The following MACROH2A1 variants were observed in gnomAD, a reference collection of about 807,000 sequenced individuals.
MACROH2A1 encodes the protein macroH2A.1 histone, also known as core histone macro-H2A.1.
In MACROH2A1, 2 loss-of-function variants were observed where a neutral mutation model predicts 31.6. The observed-to-expected ratio is 0.06, with a 90% CI of 0.03 to 0.20. The LOEUF (loss-of-function observed/expected upper bound fraction) is 0.20. Ranked by LOEUF, MACROH2A1 falls within the 10% of genes least tolerant of loss-of-function variation. MACROH2A1 has a pLI of 1.00. For missense variants in MACROH2A1, 230 were observed against 474.0 expected, an observed-to-expected ratio of 0.49 and a Z score of 4.78; for synonymous variants, 169 against 189.6, an observed-to-expected ratio of 0.89 and a Z score of 0.89.
At chr5:135,383,700 G>GGTGTGGT (rs1554099983) in intron 2 of MACROH2A1, among the ~76,000 whole-genome samples, 7 of 137,150 alleles carry the variant, frequency 5.1e-5, no homozygotes, top group African/African-American at 1.2e-4. Flanking sequence ...GATGTGGTGT[G>GGTGTGGT]GTGTGTGTGT....
intron 5 of MACROH2A1, chr5:135,358,535 T>G (rs1762449296): frequency 1.0e-6 from 1 of 985,254 alleles, no homozygotes; most frequent in Admixed American, 6.1e-5. Flanking sequence ...CTAGGTGGTC[T>G]GTCTGGGTCT....
chr5:135,369,894 T>C lies in MACROH2A1; in HGVS notation c.279+142A>G. The C allele has an allele frequency of 1.6e-6, 1 of 634,012 alleles. No homozygotes were observed. The highest frequency in any genetic ancestry group is 1.8e-5 in the African/African-American group (1 of 54,760). The allele number at this position is 634,012 out of a possible 1,614,324, so 39.3% of individuals were successfully genotyped here. On this transcript the variant is annotated intron_variant, in intron 3 of 8. Transcript: ENST00000511689. This position sits in a 1 kb window ranked among gnomAD's most constrained non-coding sequence, Gnocchi z 4.3. Reference sequence around the variant, plus strand: ...ATAAGGCCTTGGGGAAAAACTGCCATGGGAGGCAGAGAAGCTGCTAATTAA... The same window carrying C: ...ATAAGGCCTTGGGGAAAAACTGCCACGGGAGGCAGAGAAGCTGCTAATTAA...
At chr5:135,358,890 A>G (rs1355856146) in intron 5 of MACROH2A1, 1 of 985,168 alleles carries the variant, frequency 1.0e-6, no homozygotes, top group Non-Finnish European at 1.2e-6. Context: ...AGTTGCTGAG[A>G]GCTGACATGT....
At chr5:135,343,190 C>T (rs1434196766) in intron 8 of MACROH2A1, 70 bp downstream of exon 8, 6 of 1,605,572 alleles carry the variant, frequency 3.7e-6, no homozygotes, top group Non-Finnish European at 4.2e-6. Context: ...GTGAGAGCAC[C>T]ACAATTATGG....
At chr5:135,378,449 A>G (rs1465215986) in intron 2 of MACROH2A1, among the ~76,000 whole-genome samples, 1 of 152,214 alleles carries the variant, frequency 6.6e-6, no homozygotes, top group Non-Finnish European at 1.5e-5. Flanking sequence ...CTCCCTGCCC[A>G]TACGAGGCCA....
chr5:135,387,410 G>C (rs1191501861), intron 2 of MACROH2A1, among the ~76,000 whole-genome samples: 2 of 152,188 alleles, frequency 1.3e-5, no homozygotes, highest in Admixed American at 6.5e-5. Flanking sequence ...TTTGCTATGG[G>C]GAAACCCTCG....
intron 8 of MACROH2A1, among the ~76,000 whole-genome samples, chr5:135,335,638 C>G (rs1758531044): frequency 6.6e-6 from 1 of 152,218 alleles, no homozygotes; most frequent in African/African-American, 2.4e-5. Context: ...CTCTAACACA[C>G]ACCAGCGGTA....
intron 5 of MACROH2A1, chr5:135,359,825 T>C (rs1301161891): frequency 1.0e-6 from 1 of 955,628 alleles, no homozygotes; most frequent in African/African-American, 1.8e-5. Flanking sequence ...AATAAAGAAA[T>C]ATTAGTTAAC....
intron 2 of MACROH2A1, among the ~76,000 whole-genome samples, chr5:135,386,941 G>A (rs1441386380): frequency 6.6e-6 from 1 of 152,234 alleles, no homozygotes; most frequent in African/African-American, 2.4e-5. Flanking sequence ...CTGGGTTTGT[G>A]TAGCACATTA....
chr5:135,335,645 G>A (rs374506999), intron 8 of MACROH2A1, among the ~76,000 whole-genome samples: 5 of 152,256 alleles, frequency 3.3e-5, no homozygotes, highest in East Asian at 1.9e-4. Context: ...ACACACCAGC[G>A]GTACCACCCC....
chr5:135,343,270 C>T lies in MACROH2A1; in HGVS notation c.943G>A (p.Gly315Ser). Reference protein sequence around the residue: ...KLKSIAFPSIGSGRNGFPKQT... With the variant: ...KLKSIAFPSISSGRNGFPKQT... ...AGCATGTGCCCCTACCTGCCGCTGCCGATGGATGGAAATGCAATGGATTTC... is the reference window on the plus strand; with the variant it reads ...AGCATGTGCCCCTACCTGCCGCTGCTGATGGATGGAAATGCAATGGATTTC... Residue 315 changes from glycine (G) to serine (S), a missense_variant, in exon 8 of 9, where the codon GGC (glycine) becomes AGC (serine). Transcript: ENST00000511689. 1 of 1,614,142 alleles carries T rather than the reference C, an allele frequency of 6.2e-7. No individual in the cohort carries two copies. Among genetic ancestry groups the T allele is most frequent in the Non-Finnish European group, 8.5e-7 (1 of 1,180,046 alleles).
intron 8 of MACROH2A1, among the ~76,000 whole-genome samples, chr5:135,336,601 A>G (rs1758730483): frequency 6.6e-6 from 1 of 151,988 alleles, no homozygotes; most frequent in Admixed American, 6.5e-5. Flanking sequence ...GTGGTGTTAG[A>G]CCTGCGCAGC....
chr5:135,397,410 T>G (rs1768164384), intron 1 of MACROH2A1, among the ~76,000 whole-genome samples: 1 of 152,226 alleles, frequency 6.6e-6, no homozygotes, highest in South Asian at 2.1e-4. Flanking sequence ...TCTTAAAGTT[T>G]AATAAAATGT....
chr5:135,379,258 G>A (rs1765323567), intron 2 of MACROH2A1, among the ~76,000 whole-genome samples: 1 of 152,198 alleles, frequency 6.6e-6, no homozygotes, highest in South Asian at 2.1e-4. Flanking sequence ...TCAGCACCAG[G>A]CGCTACTATC....
At chr5:135,378,087 C>T (rs919936697) in intron 2 of MACROH2A1, among the ~76,000 whole-genome samples, 3 of 152,180 alleles carry the variant, frequency 2.0e-5, no homozygotes, top group African/African-American at 4.8e-5. Flanking sequence ...ACCTCCTCTT[C>T]GCTAAGGGGA....
At chr5:135,371,289 C>A (rs1261715199) in intron 2 of MACROH2A1, among the ~76,000 whole-genome samples, 2 of 152,092 alleles carry the variant, frequency 1.3e-5, no homozygotes, top group East Asian at 3.8e-4. Context: ...AGAATAGTAA[C>A]TATAGTTAAC....
rs1768304699 is a variant in MACROH2A1 at position 135,398,309 on chromosome 5, T to C, written c.-34+753A>G. Among the ~76,000 whole-genome samples the C allele has an allele frequency of 6.6e-6, 1 of 152,156 alleles. No individual in the cohort carries two copies. Among genetic ancestry groups the C allele is most frequent in the Non-Finnish European group, 1.5e-5 (1 of 68,008 alleles). On this transcript the variant is annotated intron_variant, in intron 1 of 8. Transcript: ENST00000511689. The surrounding 1 kb of genome is among the most constrained non-coding windows in gnomAD (Gnocchi z 4.6). The stretch of plus-strand genomic sequence containing the variant: ...CCCCACCCCCAGCGAGGCTCTTTCC[T>C]GCTGGCCTTCTCCACCCGGGGAAGC...
chr5:135,337,836 C>A, intron 8 of MACROH2A1: 1 of 526,968 alleles, frequency 1.9e-6, no homozygotes, highest in Non-Finnish European at 2.5e-6. Context: ...ATGTCCCTGG[C>A]CTTGCAAGCA....
chr5:135,350,725 A>G (rs1761421601), intron 6 of MACROH2A1: 1 of 725,538 alleles, frequency 1.4e-6, no homozygotes, highest in South Asian at 1.6e-5. Flanking sequence ...GAAGTGTGAA[A>G]TGAATGCAGC....
Sources: gnomAD v4.1 joint callset for allele counts (sites outside exome capture counted in the v4.1 genomes callset) on GRCh38, gnomAD v4.1.1 for gene constraint, Gnocchi (gnomAD v3.1) non-coding constraint, MANE v1.5 for transcripts, NCBI Gene and HGNC (gene_info 2026-07-23, HGNC 2026-07-21) for gene names.